The following LRRC4C variants were observed in gnomAD, a reference collection of about 807,000 sequenced individuals.
The protein encoded by LRRC4C is leucine rich repeat containing 4C.
In LRRC4C, 5 loss-of-function variants were observed where a neutral mutation model predicts 33.6. The observed-to-expected ratio is 0.15, with a 90% CI of 0.08 to 0.31. LRRC4C has a LOEUF of 0.31. LRRC4C is among the 10% of genes least tolerant of loss of function. The probability of loss-of-function intolerance (pLI) is 1.00; values close to 1 mark genes in which losing one functional copy is unlikely to be tolerated. For synonymous variants in LRRC4C, 329 were observed against 302.0 expected (o/e 1.09, Z -0.93); for missense variants, 560 against 796.7 (o/e 0.70, Z 3.58).
intron 6 of LRRC4C, among the ~76,000 whole-genome samples, chr11:40,139,845 A>AG (rs1231046488): frequency 1.3e-5 from 2 of 152,194 alleles, no homozygotes; most frequent in Non-Finnish European, 2.9e-5. Context: ...AACTACTTTT[A>AG]GGGCATTACC....
chr11:41,212,720 C>A (rs1012347189), intron 1 of LRRC4C, among the ~76,000 whole-genome samples: 2 of 152,184 alleles, frequency 1.3e-5, no homozygotes, highest in Non-Finnish European at 2.9e-5. Flanking sequence ...TTTATCGAAG[C>A]TCCACTTATG....
At chr11:40,160,178 AT>A (rs373534855) in intron 5 of LRRC4C, among the ~76,000 whole-genome samples, 13,801 of 146,146 alleles carry the variant, frequency 0.094, 724 homozygotes, top group South Asian at 0.16. Context: ...AGTTGCGAAG[AT>A]TTTTTTTTTT....
At chr11:40,931,169 C>T (rs1957602710) in intron 2 of LRRC4C, among the ~76,000 whole-genome samples, 1 of 152,058 alleles carries the variant, frequency 6.6e-6, no homozygotes, top group Admixed American at 6.6e-5. Flanking sequence ...AAACAGCAAA[C>T]AAACAAGAAT....
chr11:40,433,084 TACAC>T (rs1217118394), intron 3 of LRRC4C, among the ~76,000 whole-genome samples: 2 of 152,146 alleles, frequency 1.3e-5, no homozygotes, highest in Non-Finnish European at 2.9e-5. Context: ...TACACACACT[TACAC>T]ACAGCAGACA....
chr11:41,115,385 C>CT (rs139129326), intron 1 of LRRC4C, among the ~76,000 whole-genome samples: 1,730 of 145,582 alleles, frequency 0.012, 39 homozygotes, highest in African/African-American at 0.04. Flanking sequence ...CTTTTTTTTT[C>CT]TTTTTTTTTT....
chr11:41,289,085 C>A (rs1201835312), intron 1 of LRRC4C, among the ~76,000 whole-genome samples: 1 of 152,046 alleles, frequency 6.6e-6, no homozygotes, highest in East Asian at 1.9e-4. Flanking sequence ...CCCATCGCAG[C>A]CAAAGTTCTC....
chr11:41,025,729 T>C (rs956255262), intron 1 of LRRC4C, among the ~76,000 whole-genome samples: 3 of 151,670 alleles, frequency 2.0e-5, no homozygotes, highest in Admixed American at 2.0e-4. Context: ...CAACAGACAT[T>C]TCGTGTCAAG....
chr11:41,057,482 T>C (rs1858714874), intron 1 of LRRC4C, among the ~76,000 whole-genome samples: 1 of 152,140 alleles, frequency 6.6e-6, no homozygotes, highest in African/African-American at 2.4e-5. Flanking sequence ...TAAGGCCCCA[T>C]CTTCAGGCCA....
At chr11:40,464,977 A>G (rs1952582090) in intron 3 of LRRC4C, among the ~76,000 whole-genome samples, 1 of 152,060 alleles carries the variant, frequency 6.6e-6, no homozygotes, top group Admixed American at 6.6e-5. Flanking sequence ...TAAAATTAAT[A>G]TGGAACCAAA....
intron 2 of LRRC4C, among the ~76,000 whole-genome samples, chr11:40,666,280 A>T (rs1943806215): frequency 6.6e-6 from 1 of 152,156 alleles, no homozygotes. Flanking sequence ...AATTAATATT[A>T]CATATTTTTA....
chr11:40,794,507 A>C (rs4340035), intron 2 of LRRC4C, among the ~76,000 whole-genome samples: 13,044 of 151,944 alleles, frequency 0.086, 767 homozygotes, highest in African/African-American at 0.17. Context: ...AGGACTCATG[A>C]TTTTTGTAGC....
chr11:41,283,987 C>A (rs1002293415), intron 1 of LRRC4C, among the ~76,000 whole-genome samples: 1 of 151,946 alleles, frequency 6.6e-6, no homozygotes, highest in East Asian at 1.9e-4. Context: ...ATGGAGTAAC[C>A]CCAGTGAAAG....
chr11:40,368,056 A>G (rs529689976), intron 3 of LRRC4C, among the ~76,000 whole-genome samples: 2 of 152,134 alleles, frequency 1.3e-5, no homozygotes, highest in Non-Finnish European at 2.9e-5. Flanking sequence ...TTTTGTTGTC[A>G]TAGCTGATTG....
At position 40,260,027 on chromosome 11, in the gene LRRC4C, C is replaced by T. The variant is rs1398817075; in HGVS notation, c.-175-18429G>A. ...CTCAGGGATCTAGAACTAGAAATAC[C>T]ATTTGACCCAGCCATCCCATTACTG... On this transcript the variant is annotated intron_variant, in intron 4 of 6. Coordinates refer to ENST00000528697, the MANE Select transcript of LRRC4C (RefSeq NM_001258419.2). Among the ~76,000 whole-genome samples, 527 of 141,830 alleles carry T rather than the reference C, an allele frequency of 3.7e-3. 7 individuals are homozygous for T. The highest frequency in any genetic ancestry group is 0.014 in the African/African-American group (507 of 37,436). The allele number at this position is 141,830 out of a possible 152,430, so 93.0% of individuals were successfully genotyped here. A position where few individuals can be genotyped will look rare whatever the true frequency, so the allele number is the denominator to read the frequency against.
intron 3 of LRRC4C, among the ~76,000 whole-genome samples, chr11:40,347,308 A>G (rs545305173): frequency 3.9e-5 from 6 of 152,236 alleles, no homozygotes; most frequent in Admixed American, 2.6e-4. Context: ...TTTTTCTCCT[A>G]CAATTTCCTC....
At chr11:41,267,863 A>G (rs957151227) in intron 1 of LRRC4C, among the ~76,000 whole-genome samples, 5 of 152,132 alleles carry the variant, frequency 3.3e-5, no homozygotes, top group South Asian at 2.1e-4. Context: ...ATGTAAGTAA[A>G]TAATTTTAGC....
intron 3 of LRRC4C, among the ~76,000 whole-genome samples, chr11:40,423,266 A>G (rs1455184242): frequency 1.3e-5 from 2 of 152,012 alleles, no homozygotes; most frequent in African/African-American, 4.8e-5. Flanking sequence ...AATAGCACAT[A>G]GAATTGAGGA....
chr11:41,304,054 A>G (rs1950381033), intron 1 of LRRC4C, among the ~76,000 whole-genome samples: 1 of 60,050 alleles, frequency 1.7e-5, no homozygotes, highest in Non-Finnish European at 4.0e-5. Flanking sequence ...GTGGGGGGTC[A>G]GCCCCCCGCC....
At chr11:40,911,041 C>T (rs1247104661) in intron 2 of LRRC4C, among the ~76,000 whole-genome samples, 1 of 152,202 alleles carries the variant, frequency 6.6e-6, no homozygotes, top group East Asian at 1.9e-4. Flanking sequence ...GTAAACAAAG[C>T]TGCTGGGAAG....
Sources: gnomAD v4.1 joint callset for allele counts (sites outside exome capture counted in the v4.1 genomes callset) on GRCh38, gnomAD v4.1.1 for gene constraint, MANE v1.5 for transcripts, NCBI Gene and HGNC (gene_info 2026-07-23, HGNC 2026-07-21) for gene names.